PCSK2: variants seen among roughly 807,000 people sequenced by gnomAD.
PCSK2 encodes the protein neuroendocrine convertase 2.
Under a neutral mutation model 69.7 loss-of-function variants are expected in PCSK2, and 14 were observed. The ratio of observed to expected loss-of-function variants is 0.20; its 90% CI spans 0.13 to 0.31. The LOEUF (loss-of-function observed/expected upper bound fraction) is 0.31. Ranked by LOEUF, PCSK2 falls within the 10% of genes least tolerant of loss-of-function variation. The pLI, the probability that PCSK2 is intolerant of heterozygous loss-of-function variation, is 1.00. For synonymous variants in PCSK2, 307 were observed against 320.7 expected, an observed-to-expected ratio of 0.96 and a Z score of 0.46; for missense variants, 544 against 842.5, an observed-to-expected ratio of 0.65 and a Z score of 4.39.
chr20:17,303,542 A>AGATAATATAAT (rs1555786569), intron 2 of PCSK2, among the ~76,000 whole-genome samples: 1 of 43,680 alleles, frequency 2.3e-5, no homozygotes, highest in Non-Finnish European at 4.4e-5. Context: ...TATTATATAT[A>AGATAATATAAT]ATATGATATA....
chr20:17,238,084 A>G lies in PCSK2; in HGVS notation c.177+10602A>G, dbSNP rs374149867. Among the ~76,000 whole-genome samples, 296 of 152,326 alleles carry G rather than the reference A, an allele frequency of 1.9e-3. 1 individual carries two copies. Among genetic ancestry groups the G allele is most frequent in the Middle Eastern group, 0.014 (4 of 294 alleles). On this transcript the variant is annotated intron_variant, in intron 1 of 11. Coordinates refer to ENST00000262545, the MANE Select transcript of PCSK2 (RefSeq NM_002594.5). Reference sequence around the variant, plus strand: ...CCCACAAAATGGTAAGGCCTATCCAAGAGGATCTGAGTGTGAAAGTAAACA... The same window carrying G: ...CCCACAAAATGGTAAGGCCTATCCAGGAGGATCTGAGTGTGAAAGTAAACA...
chr20:17,438,934 C>T (rs913619792), intron 8 of PCSK2, among the ~76,000 whole-genome samples: 2 of 152,162 alleles, frequency 1.3e-5, no homozygotes, highest in African/African-American at 4.8e-5. Flanking sequence ...CTTCCTTGCT[C>T]GCAGGTTGCT....
chr20:17,459,782 A>T (rs1367539000), intron 10 of PCSK2, among the ~76,000 whole-genome samples: 2 of 152,168 alleles, frequency 1.3e-5, no homozygotes, highest in East Asian at 1.9e-4. Context: ...CTGACTTTTC[A>T]ATGCCTGTTC....
chr20:17,271,977 G>A (rs1568578703), intron 2 of PCSK2, among the ~76,000 whole-genome samples: 1 of 152,038 alleles, frequency 6.6e-6, no homozygotes, highest in African/African-American at 2.4e-5. Context: ...CCACATAAAA[G>A]TTCTTCCTTA....
chr20:17,323,010 G>T (rs1203519828), intron 2 of PCSK2, among the ~76,000 whole-genome samples: 5 of 152,176 alleles, frequency 3.3e-5, no homozygotes, highest in Admixed American at 6.5e-5. Flanking sequence ...GATTACAGGT[G>T]CATGCCACCA....
At chr20:17,391,794 C>A (rs751137583) in intron 5 of PCSK2, among the ~76,000 whole-genome samples, 3 of 151,914 alleles carry the variant, frequency 2.0e-5, no homozygotes, top group Non-Finnish European at 4.4e-5. Context: ...TTAGTTGAGT[C>A]CAGGAGATCA....
intron 5 of PCSK2, among the ~76,000 whole-genome samples, chr20:17,381,096 C>T (rs530291095): frequency 1.3e-5 from 2 of 152,308 alleles, no homozygotes; most frequent in Admixed American, 6.5e-5. Flanking sequence ...ATGGCCAAGG[C>T]GGAGAGAATC....
At chr20:17,280,292 T>A (rs7260739) in intron 2 of PCSK2, among the ~76,000 whole-genome samples, 1,594 of 152,350 alleles carry the variant, frequency 0.01, 24 homozygotes, top group African/African-American at 0.035. Context: ...GATTCCAAAA[T>A]GTAGATATAC....
At chr20:17,226,828 C>A (rs2122917217), upstream of PCSK2, among the ~76,000 whole-genome samples, 1 of 144,596 alleles carries the variant, frequency 6.9e-6, no homozygotes, top group East Asian at 2.1e-4. Flanking sequence ...CGCTGCGCCC[C>A]CAGAAGGCGG....
intron 8 of PCSK2, among the ~76,000 whole-genome samples, chr20:17,443,197 A>C (rs2032632105): frequency 6.6e-6 from 1 of 152,194 alleles, no homozygotes; most frequent in Non-Finnish European, 1.5e-5. Context: ...CCATTGCTAC[A>C]CTGTTCAGGA....
At chr20:17,392,257 G>A (rs1189065654) in intron 5 of PCSK2, among the ~76,000 whole-genome samples, 2 of 152,168 alleles carry the variant, frequency 1.3e-5, no homozygotes, top group African/African-American at 4.8e-5. Flanking sequence ...TGACAAGTCA[G>A]GAAGAACTCA....
chr20:17,312,076 C>A (rs975362577), intron 2 of PCSK2, among the ~76,000 whole-genome samples: 1 of 152,318 alleles, frequency 6.6e-6, no homozygotes, highest in Non-Finnish European at 1.5e-5. Context: ...ATTTTGACTG[C>A]AAACACGTCA....
chr20:17,357,709 A>G (rs2030249077), intron 2 of PCSK2, among the ~76,000 whole-genome samples: 2 of 152,156 alleles, frequency 1.3e-5, no homozygotes, highest in African/African-American at 4.8e-5. Context: ...AGACTGACCA[A>G]CATGGAGAAG....
chr20:17,467,783 A>G (rs957491839), intron 11 of PCSK2, among the ~76,000 whole-genome samples: 2 of 152,174 alleles, frequency 1.3e-5, no homozygotes, highest in African/African-American at 2.4e-5. Flanking sequence ...AGCAACACAC[A>G]AGTCTACAGC....
At chr20:17,405,598 A>G (rs1375550268) in intron 5 of PCSK2, among the ~76,000 whole-genome samples, 1 of 152,262 alleles carries the variant, frequency 6.6e-6, no homozygotes, top group East Asian at 1.9e-4. Context: ...TGTGAATATA[A>G]TAAGTGACTG....
chr20:17,419,797 A>G (rs2032083306), intron 6 of PCSK2, among the ~76,000 whole-genome samples: 1 of 152,198 alleles, frequency 6.6e-6, no homozygotes, highest in African/African-American at 2.4e-5. Context: ...GCTGTTGTCC[A>G]TAAAAATCTC....
chr20:17,431,201 C>G (rs544403215), intron 7 of PCSK2, among the ~76,000 whole-genome samples: 1 of 152,234 alleles, frequency 6.6e-6, no homozygotes, highest in East Asian at 1.9e-4. Context: ...ACAGGGGCCC[C>G]GTCCTGCAGG....
intron 5 of PCSK2, among the ~76,000 whole-genome samples, chr20:17,380,637 G>A (rs2031062044): frequency 6.6e-6 from 1 of 152,110 alleles, no homozygotes. Flanking sequence ...TGGCTCATAA[G>A]ACACCCTCAA....
In PCSK2 at chr20:17,481,869, G is replaced by T. The variant is rs1238049128; in HGVS notation, c.1716G>T (p.Leu572=). 1.9e-6 allele frequency: 3 copies of T among 1,613,868 alleles called. No homozygotes were observed. Among genetic ancestry groups the T allele is most frequent in the Non-Finnish European group, 2.5e-6 (3 of 1,179,970 alleles). Residue 572 remains leucine (L), a synonymous_variant, in exon 12 of 12, where the codon CTG becomes CTT. Coordinates refer to ENST00000262545, the MANE Select transcript of PCSK2 (RefSeq NM_002594.5). The part of the protein sequence containing the change: ...EDARGTWTLE[L]GFVGSAPQKG... Reference sequence around the variant, plus strand: ...CCCGAGGCACCTGGACCCTGGAGCTGGGATTTGTCGGCAGCGCCCCGCAGA... The same window carrying T: ...CCCGAGGCACCTGGACCCTGGAGCTTGGATTTGTCGGCAGCGCCCCGCAGA...
Sources: gnomAD v4.1 joint callset for allele counts (sites outside exome capture counted in the v4.1 genomes callset) on GRCh38, gnomAD v4.1.1 for gene constraint, MANE v1.5 for transcripts, NCBI Gene and HGNC (gene_info 2026-07-23, HGNC 2026-07-21) for gene names.